The following ARMC8 variants were observed in gnomAD, a reference collection of about 807,000 sequenced individuals.
ARMC8 encodes armadillo repeat-containing protein 8.
Under a neutral mutation model 99.3 loss-of-function variants are expected in ARMC8, and 20 were observed. The observed-to-expected ratio is 0.20, with a 90% CI of 0.14 to 0.29. ARMC8 has a LOEUF of 0.29. Among genes scored for constraint, ARMC8 ranks in the 10% least tolerant of loss-of-function variants. The pLI is 1.00. For missense variants in ARMC8, 569 were observed against 809.5 expected (o/e 0.70, Z 3.60); for synonymous variants, 263 against 278.3 (o/e 0.95, Z 0.55).
At chr3:138,277,225 T>A (rs1360217161) in intron 18 of ARMC8, among the ~76,000 whole-genome samples, 1 of 152,114 alleles carries the variant, frequency 6.6e-6, no homozygotes, top group Non-Finnish European at 1.5e-5. Context: ...CCAAAAAAAA[T>A]TAACTTTGAA....
intron 1 of ARMC8, among the ~76,000 whole-genome samples, chr3:138,205,760 G>A (rs2108010167): frequency 6.6e-6 from 1 of 152,290 alleles, no homozygotes; most frequent in East Asian, 1.9e-4. Flanking sequence ...CAACGAGGTT[G>A]AGACCTTGTC....
At chr3:138,197,662 A>G (rs2043814355) in intron 1 of ARMC8, among the ~76,000 whole-genome samples, 1 of 152,168 alleles carries the variant, frequency 6.6e-6, no homozygotes, top group African/African-American at 2.4e-5. Context: ...GAAACTCCTG[A>G]TCATTTTTGT....
At chr3:138,274,253 G>GTGTGTGTGTGTGTGTT (rs1310352948) in intron 17 of ARMC8, among the ~76,000 whole-genome samples, 196 bp from the exon 18 acceptor site, 3 of 152,040 alleles carry the variant, frequency 2.0e-5, no homozygotes, top group Non-Finnish European at 4.4e-5. Context: ...GTGTGTGTGT[G>GTGTGTGTGTGTGTGTT]TGTGTGTATG....
intron 12 of ARMC8, among the ~76,000 whole-genome samples, chr3:138,255,944 C>G (rs568603610): frequency 1.3e-5 from 2 of 152,004 alleles, no homozygotes; most frequent in Non-Finnish European, 2.9e-5. Flanking sequence ...TTCGCCTGGG[C>G]GACAGAGTGA....
chr3:138,260,911 A>G lies in ARMC8; in HGVS notation c.1135-2828A>G, dbSNP rs1223293902. On this transcript the variant is annotated intron_variant, in intron 12 of 21. Transcript: ENST00000469044. ...CTGATGATGTAACTATATCCAGTAC[A>G]GGCAGTTGTTTCTCCCAAGTTATCA... Among the ~76,000 whole-genome samples, 4 of 152,220 alleles carry G rather than the reference A, an allele frequency of 2.6e-5. No individual in the cohort carries two copies. The East Asian group carries it at 5.8e-4, about 22-fold the overall frequency.
chr3:138,195,564 T>C (rs971869642), intron 1 of ARMC8, among the ~76,000 whole-genome samples: 2 of 152,200 alleles, frequency 1.3e-5, no homozygotes, highest in Admixed American at 1.3e-4. Context: ...CGCTAAATTT[T>C]AAAATACTTA....
chr3:138,297,241 TC>T lies in ARMC8; in HGVS notation c.*1350del, dbSNP rs2051565865. The stretch of plus-strand genomic sequence containing the variant: ...CTCCCCAGGATGACTGAAGATGACT[TC>T]TTTTTACAGCAAGTACTGTTAGCCT... On this transcript the variant is annotated 3_prime_UTR_variant, in exon 22 of 22. Coordinates refer to ENST00000469044, the MANE Select transcript of ARMC8 (RefSeq NM_001363941.2). 6.6e-6 allele frequency: 1 copy of T among 152,202 alleles called. No individual in the cohort carries two copies. Among genetic ancestry groups the T allele is most frequent in the Non-Finnish European group, 1.5e-5 (1 of 68,042 alleles). The allele number at this position is 152,202 out of a possible 1,614,324, so 9.4% of individuals were successfully genotyped here. A position where few individuals can be genotyped will look rare whatever the true frequency, so the allele number is the denominator to read the frequency against.
chr3:138,234,142 G>C (rs1006334666), intron 6 of ARMC8, among the ~76,000 whole-genome samples: 3 of 150,158 alleles, frequency 2.0e-5, no homozygotes, highest in African/African-American at 7.4e-5. Context: ...GTCTCGCTCT[G>C]TTGCCCAGGC....
At chr3:138,285,529 A>G (rs1021132269) in intron 19 of ARMC8, among the ~76,000 whole-genome samples, 1 of 152,104 alleles carries the variant, frequency 6.6e-6, no homozygotes, top group African/African-American at 2.4e-5. Flanking sequence ...TGCCTGGAAC[A>G]CTTTTCTTCT....
chr3:138,236,096 G>T (rs570182406), intron 7 of ARMC8, among the ~76,000 whole-genome samples: 1 of 152,200 alleles, frequency 6.6e-6, no homozygotes, highest in South Asian at 2.1e-4. Context: ...GTGAGCCACC[G>T]TGTCCGGCCT....
chr3:138,198,493 T>TTTA (rs139933871), intron 1 of ARMC8, among the ~76,000 whole-genome samples: 4,586 of 146,428 alleles, frequency 0.031, 96 homozygotes, highest in African/African-American at 0.049. Flanking sequence ...TTGTATATTC[T>TTTA]TTATTATTAT....
chr3:138,214,660 T>G (rs919358400), intron 2 of ARMC8, among the ~76,000 whole-genome samples: 3 of 152,186 alleles, frequency 2.0e-5, no homozygotes, highest in African/African-American at 7.2e-5. Flanking sequence ...TTAATCAGTT[T>G]TTTTGTTTTG....
At position 138,191,602 on chromosome 3, in the gene ARMC8, G is replaced by A. The variant is rs776294607; in HGVS notation, c.45+4003G>A. On this transcript the variant is annotated intron_variant, in intron 1 of 21. Coordinates refer to ENST00000469044, the MANE Select transcript of ARMC8 (RefSeq NM_001363941.2). ...CACTGTCAAGATACAGAACTATTCC[G>A]TCACCGCAAAGATCTCCCTCATATT... 4.6e-5 allele frequency among the ~76,000 whole-genome samples: 7 copies of A among 152,066 alleles called. No individual in the cohort carries two copies. The East Asian group carries it at 5.8e-4, about 13-fold the overall frequency.
chr3:138,200,904 CTTTTTTTTTTTTT>C (rs34087212), intron 1 of ARMC8, among the ~76,000 whole-genome samples: 12 of 63,378 alleles, frequency 1.9e-4, no homozygotes, highest in African/African-American at 5.3e-4. Flanking sequence ...CTTCAGTGGG[CTTTTTTTTTTTTT>C]TTTTTTTTTT....
intron 18 of ARMC8, among the ~76,000 whole-genome samples, chr3:138,277,371 A>G (rs1027760309): frequency 2.0e-5 from 3 of 152,244 alleles, no homozygotes; most frequent in Non-Finnish European, 2.9e-5. Context: ...TATGAAATTT[A>G]AAACATTCAG....
At chr3:138,293,601 G>C (rs1343322745) in intron 21 of ARMC8, among the ~76,000 whole-genome samples, 1 of 152,054 alleles carries the variant, frequency 6.6e-6, no homozygotes, top group Non-Finnish European at 1.5e-5. Context: ...GGTCAGATGA[G>C]TGTACCATCA....
intron 1 of ARMC8, chr3:138,187,983 A>C (rs2043166245): frequency 3.6e-6 from 1 of 276,962 alleles, no homozygotes; most frequent in African/African-American, 2.2e-5. Flanking sequence ...CCGGGCTTGC[A>C]GCCGGCCTGA....
At chr3:138,252,234 T>G (rs2047151453) in intron 12 of ARMC8, among the ~76,000 whole-genome samples, 3 of 152,166 alleles carry the variant, frequency 2.0e-5, no homozygotes, top group African/African-American at 7.2e-5. Flanking sequence ...TTCTGACATA[T>G]GAAAAGGAAA....
At chr3:138,232,580 G>A (rs2046109689) in intron 6 of ARMC8, among the ~76,000 whole-genome samples, 1 of 152,184 alleles carries the variant, frequency 6.6e-6, no homozygotes, top group African/African-American at 2.4e-5. Flanking sequence ...CAATCTAAGT[G>A]TCTAACTATA....
Sources: allele counts gnomAD v4.1 joint callset (sites outside exome capture counted in the v4.1 genomes callset), GRCh38; gene constraint gnomAD v4.1.1; transcripts MANE v1.5; gene names NCBI Gene and HGNC (gene_info 2026-07-23, HGNC 2026-07-21).